Variants in FOXK2 observed in about 807,000 individuals in gnomAD.
FOXK2 encodes the protein forkhead box K2.
Under a neutral mutation model 53.3 loss-of-function variants are expected in FOXK2, and 24 were observed. The ratio of observed to expected loss-of-function variants is 0.45; its 90% confidence interval spans 0.33 to 0.63. The LOEUF (loss-of-function observed/expected upper bound fraction) is 0.63. Ranked by LOEUF, FOXK2 falls within the 30% of genes least tolerant of loss-of-function variation. The pLI is 0.03. For synonymous variants in FOXK2, 505 were observed against 407.1 expected (o/e 1.24, Z -2.89); for missense variants, 952 against 910.5 (o/e 1.05, Z -0.59).
intron 1 of FOXK2, among the ~76,000 whole-genome samples, chr17:82,529,184 C>T (rs1226324093): frequency 1.3e-5 from 2 of 150,848 alleles, no homozygotes; most frequent in African/African-American, 4.9e-5. Flanking sequence ...CTTTATGCTA[C>T]CAAAGCATCT....
chr17:82,535,091 G>C (rs1429852627), intron 1 of FOXK2, among the ~76,000 whole-genome samples: 1 of 152,130 alleles, frequency 6.6e-6, no homozygotes, highest in Non-Finnish European at 1.5e-5. Context: ...TGTTGGTTAG[G>C]CTGGTCTCGA....
chr17:82,562,263 A>G (rs1167989175), intron 1 of FOXK2, among the ~76,000 whole-genome samples: 1 of 152,192 alleles, frequency 6.6e-6, no homozygotes, highest in African/African-American at 2.4e-5. Flanking sequence ...GCCAACAGTG[A>G]AAAGGGTGAT....
In FOXK2 at chr17:82,582,343, C is replaced by T. The variant is rs550818886; in HGVS notation, c.910-398C>T. Among the ~76,000 whole-genome samples, 7 of 152,280 alleles carry T rather than the reference C, an allele frequency of 4.6e-5. No homozygotes were observed. The South Asian group carries it at 1.4e-3, about 32-fold the overall frequency. On this transcript the variant is annotated intron_variant, in intron 4 of 8. Coordinates refer to ENST00000335255, the MANE Select transcript of FOXK2 (RefSeq NM_004514.4). ...GCTCTCCACCCTGCCTCCCGGGGCCCGTTCTGCCACAGAGTGAGGTGTCCT... is the reference window on the plus strand; with the variant it reads ...GCTCTCCACCCTGCCTCCCGGGGCCTGTTCTGCCACAGAGTGAGGTGTCCT...
intron 1 of FOXK2, among the ~76,000 whole-genome samples, chr17:82,541,277 G>GT (rs202234001): frequency 0.18 from 25,601 of 145,352 alleles, 2,659 homozygotes; most frequent in East Asian, 0.39. Context: ...ATGATTTACA[G>GT]TTTTTTTTTT....
At position 82,585,984 on chromosome 17, in the gene FOXK2, G is replaced by A. The variant is rs779563825; in HGVS notation, c.1360G>A (p.Val454Met). Residue 454 changes from valine (V) to methionine (M), a missense_variant, in exon 7 of 9, where the codon GTG becomes ATG. Coordinates refer to ENST00000335255, the MANE Select transcript of FOXK2 (RefSeq NM_004514.4). ...GGCCATCAAGCCTGTCACCTACACT[G>A]TGGCCACCCCAGTGACCACCTCGAC... ...PQAIKPVTYT[V>M]ATPVTTSTSQ... The A allele has an allele frequency of 6.2e-7, 1 of 1,612,784 alleles. No individual in the cohort carries two copies. The highest frequency in any genetic ancestry group is 1.1e-5 in the South Asian group (1 of 91,088).
At chr17:82,559,534 C>A (rs973195468) in intron 1 of FOXK2, 1 of 455,484 alleles carries the variant, frequency 2.2e-6, no homozygotes, top group Admixed American at 2.4e-5. Context: ...ACGGGCTGCT[C>A]ATTAGCAGTG....
chr17:82,585,752 T>A (rs564556042), intron 6 of FOXK2, 152 bp from the exon 7 acceptor site: 1 of 733,436 alleles, frequency 1.4e-6, no homozygotes, highest in Admixed American at 2.9e-5. Flanking sequence ...ACCTCCCTCA[T>A]TATTAGTAAC....
intron 7 of FOXK2, 140 bp from the exon 8 acceptor site, chr17:82,586,923 C>A: frequency 1.3e-6 from 1 of 788,426 alleles, no homozygotes; most frequent in African/African-American, 1.7e-5. Flanking sequence ...AAGATTTGCT[C>A]ATCTTTTTCT....
chr17:82,585,912 C>G lies in FOXK2; in HGVS notation c.1288C>G (p.Leu430Val). Reference protein sequence around the residue: ...RFAQSAPGSPLSSQPVLITVQ... With the variant: ...RFAQSAPGSPVSSQPVLITVQ... ...GCTGTGTCTTTCACCAGGGTCACCT[C>G]TGTCCAGTCAGCCAGTCTTAATCAC... Residue 430 changes from leucine (L) to valine (V), a missense_variant, in exon 7 of 9, where the codon CTG becomes GTG. By Grantham distance (32) the Leu-to-Val change is conservative. Transcript: ENST00000335255. 1 of 1,610,742 alleles carries G rather than the reference C, an allele frequency of 6.2e-7. No homozygotes were observed. Among genetic ancestry groups the G allele is most frequent in the Non-Finnish European group, 8.5e-7 (1 of 1,178,286 alleles).
chr17:82,532,093 C>T (rs2044477434), intron 1 of FOXK2, among the ~76,000 whole-genome samples: 1 of 148,636 alleles, frequency 6.7e-6, no homozygotes, highest in South Asian at 2.1e-4. Context: ...CAGGTAAACA[C>T]CTACCTTGGC....
At chr17:82,601,199 A>G in intron 8 of FOXK2, 104 bp from the exon 9 acceptor site, 2 of 1,223,138 alleles carry the variant, frequency 1.6e-6, no homozygotes, top group Middle Eastern at 2.9e-4. Flanking sequence ...TTCACATGAG[A>G]GCGTGGGGTT....
intron 1 of FOXK2, among the ~76,000 whole-genome samples, chr17:82,553,363 C>T (rs953903251): frequency 6.6e-6 from 1 of 152,244 alleles, no homozygotes; most frequent in African/African-American, 2.4e-5. Flanking sequence ...ATCCTGGAGG[C>T]CACAGCCCAG....
At chr17:82,548,665 A>T (rs72861071) in intron 1 of FOXK2, among the ~76,000 whole-genome samples, 1 of 152,090 alleles carries the variant, frequency 6.6e-6, no homozygotes, top group Admixed American at 6.6e-5. Flanking sequence ...AGTCAAAAGC[A>T]TTTGGAGGCT....
chr17:82,586,544 T>C (rs983767465), intron 7 of FOXK2, among the ~76,000 whole-genome samples: 3 of 82,920 alleles, frequency 3.6e-5, no homozygotes, highest in Non-Finnish European at 4.6e-5. Context: ...AGGTCAAAGG[T>C]AGGCGGAGGG....
chr17:82,577,032 C>T (rs529949644), intron 4 of FOXK2, among the ~76,000 whole-genome samples: 17 of 152,062 alleles, frequency 1.1e-4, no homozygotes, highest in Non-Finnish European at 8.8e-5. Flanking sequence ...TGTGGTGGTG[C>T]GTGCCTGTAA....
intron 8 of FOXK2, chr17:82,598,806 A>G (rs1313137968): frequency 6.6e-6 from 1 of 152,128 alleles, no homozygotes; most frequent in Admixed American, 6.5e-5. Context: ...CATTCAGGGT[A>G]TTGGTGCTTG....
At chr17:82,541,686 T>A (rs1036235230) in intron 1 of FOXK2, among the ~76,000 whole-genome samples, 2 of 151,956 alleles carry the variant, frequency 1.3e-5, no homozygotes, top group Non-Finnish European at 2.9e-5. Flanking sequence ...GTGAACTGCA[T>A]TGTACCTGTT....
chr17:82,579,517 T>C (rs1195533262), intron 4 of FOXK2, among the ~76,000 whole-genome samples: 41 of 133,428 alleles, frequency 3.1e-4, no homozygotes, highest in Middle Eastern at 9.3e-3. Flanking sequence ...ACACATGGCC[T>C]AGCCCTCCTC....
rs1049313457 is a variant in FOXK2, at chr17:82,519,767, G to C, written c.-122G>C. The C allele has an allele frequency of 1.3e-5, 3 of 239,246 alleles. No homozygotes were observed. Among genetic ancestry groups the C allele is most frequent in the Non-Finnish European group, 1.3e-5 (2 of 151,238 alleles). The allele number at this position is 239,246 out of a possible 1,614,324, so 14.8% of individuals were successfully genotyped here. A position where few individuals can be genotyped will look rare whatever the true frequency, so the allele number is the denominator to read the frequency against. On this transcript the variant is annotated 5_prime_UTR_variant, in exon 1 of 9. Coordinates refer to ENST00000335255, the MANE Select transcript of FOXK2 (RefSeq NM_004514.4). ...GCCGCTCGCTCGCTCGCCGGCCGGC[G>C]GCCTCCGCTCGGCCCCCTCCCTCAG... is the stretch of plus-strand genomic sequence containing the variant.
Sources: gnomAD v4.1 joint callset for allele counts (sites outside exome capture counted in the v4.1 genomes callset) on GRCh38, gnomAD v4.1.1 for gene constraint, MANE v1.5 for transcripts, NCBI Gene and HGNC (gene_info 2026-07-23, HGNC 2026-07-21) for gene names.